Variants in GRID2 observed in about 807,000 individuals in gnomAD.
The protein encoded by GRID2 is glutamate receptor ionotropic, delta-2.
In GRID2, 33 loss-of-function variants were observed where a neutral mutation model predicts 114.8. The ratio of observed to expected loss-of-function variants is 0.29; its 90% CI spans 0.22 to 0.38. The LOEUF is 0.38. Among genes scored for constraint, GRID2 ranks in the 10% least tolerant of loss-of-function variants. The pLI is 1.00. For missense variants in GRID2, 1,184 were observed against 1,257.7 expected (o/e 0.94, Z 0.89); for synonymous variants, 505 against 449.9 (o/e 1.12, Z -1.55).
intron 2 of GRID2, among the ~76,000 whole-genome samples, chr4:92,683,886 G>A (rs1022650802): frequency 6.6e-6 from 1 of 151,670 alleles, no homozygotes; most frequent in African/African-American, 2.4e-5. Flanking sequence ...ATGTTGATAT[G>A]ATTATAAGGA....
chr4:92,827,548 G>A (rs1253808432), intron 2 of GRID2, among the ~76,000 whole-genome samples: 11 of 151,964 alleles, frequency 7.2e-5, no homozygotes, highest in Admixed American at 7.2e-4. Context: ...ACACTACTGG[G>A]TTTTGTTTAA....
At chr4:93,804,352 A>T (rs965847187) in intron 1 of GRID2, among the ~76,000 whole-genome samples, 4 of 152,134 alleles carry the variant, frequency 2.6e-5, no homozygotes, top group African/African-American at 9.7e-5. Flanking sequence ...CCTCACCTAA[A>T]CCTAGATGGT....
chr4:92,537,784 GGTGTGTGTGTGTGTGTGTGTGTGT>G (rs70942907), intron 1 of GRID2, among the ~76,000 whole-genome samples: 1 of 125,934 alleles, frequency 7.9e-6, no homozygotes, highest in African/African-American at 2.8e-5. Flanking sequence ...AAAAACTTGC[GGTGTGTGTGTGTGTGTGTGTGTGT>G]GTGTGTGTGT....
At chr4:93,465,051 T>A (rs912282329) in intron 11 of GRID2, among the ~76,000 whole-genome samples, 33 of 152,344 alleles carry the variant, frequency 2.2e-4, no homozygotes, top group African/African-American at 7.7e-4. Flanking sequence ...TAAGACAGCA[T>A]GATGGCTGTT....
intron 2 of GRID2, among the ~76,000 whole-genome samples, chr4:92,858,558 G>T (rs1043259930): frequency 2.0e-5 from 3 of 151,786 alleles, no homozygotes; most frequent in African/African-American, 7.3e-5. Flanking sequence ...GAGTTTGTTT[G>T]TTTTTTTTCT....
intron 1 of GRID2, among the ~76,000 whole-genome samples, chr4:93,806,492 C>G (rs1196616394): frequency 2.0e-5 from 3 of 152,162 alleles, no homozygotes; most frequent in South Asian, 2.1e-4. Flanking sequence ...TCTATTGAAC[C>G]AGCAGCCAAT....
chr4:93,319,902 A>C (rs1300016216), intron 8 of GRID2: 1 of 152,148 alleles, frequency 6.6e-6, no homozygotes, highest in Non-Finnish European at 1.5e-5. Flanking sequence ...CAATACCTTA[A>C]TTTCAGTTTT....
At chr4:93,633,217 A>G (rs1488716178) in intron 14 of GRID2, among the ~76,000 whole-genome samples, 3 of 151,848 alleles carry the variant, frequency 2.0e-5, no homozygotes, top group African/African-American at 4.8e-5. Flanking sequence ...CTTTTTTCCT[A>G]TAAACTATTA....
At chr4:92,773,567 A>G (rs938769826) in intron 2 of GRID2, among the ~76,000 whole-genome samples, 1 of 152,062 alleles carries the variant, frequency 6.6e-6, no homozygotes, top group Non-Finnish European at 1.5e-5. Flanking sequence ...AAAGTCCAAG[A>G]TTTATATCTA....
chr4:93,106,790 G>A (rs1418689682), intron 3 of GRID2, among the ~76,000 whole-genome samples: 1 of 152,122 alleles, frequency 6.6e-6, no homozygotes, highest in East Asian at 1.9e-4. Flanking sequence ...AGTCTGCCTT[G>A]TAATTTATGC....
chr4:93,069,606 C>T (rs1054896103), intron 2 of GRID2, among the ~76,000 whole-genome samples: 2 of 151,808 alleles, frequency 1.3e-5, no homozygotes, highest in Non-Finnish European at 2.9e-5. Context: ...CAAAAGGTAA[C>T]CAATTAAGTT....
chr4:92,446,056 A>G (rs1288419365), intron 1 of GRID2, among the ~76,000 whole-genome samples: 2 of 151,998 alleles, frequency 1.3e-5, no homozygotes, highest in African/African-American at 4.8e-5. Context: ...AGCGATTCTC[A>G]TGCCTCAAGC....
intron 8 of GRID2, among the ~76,000 whole-genome samples, chr4:93,285,847 T>C (rs1212954219): frequency 1.3e-5 from 2 of 152,036 alleles, no homozygotes; most frequent in Non-Finnish European, 2.9e-5. Context: ...TTTGTAATCA[T>C]ACAATTTATG....
intron 2 of GRID2, among the ~76,000 whole-genome samples, chr4:93,061,714 C>G (rs1181427075): frequency 6.6e-6 from 1 of 152,056 alleles, no homozygotes; most frequent in African/African-American, 2.4e-5. Flanking sequence ...AGAATATTCC[C>G]CATCCTGTCT....
chr4:93,143,689 A>C (rs1735956095), intron 4 of GRID2, among the ~76,000 whole-genome samples: 1 of 152,216 alleles, frequency 6.6e-6, no homozygotes, highest in African/African-American at 2.4e-5. Context: ...TTTAATGACT[A>C]AATTTTCATT....
At chr4:92,577,844 C>G (rs1006964542) in intron 1 of GRID2, among the ~76,000 whole-genome samples, 3 of 151,882 alleles carry the variant, frequency 2.0e-5, no homozygotes, top group Admixed American at 2.0e-4. Flanking sequence ...AAAGGAAAAA[C>G]AATATAAAGA....
intron 8 of GRID2, among the ~76,000 whole-genome samples, chr4:93,298,400 C>G (rs1754535805): frequency 6.6e-6 from 1 of 152,172 alleles, no homozygotes; most frequent in African/African-American, 2.4e-5. Flanking sequence ...GCTGTTCCCT[C>G]AAATGCCACA....
chr4:93,230,885 T>C (rs925518899), intron 7 of GRID2, among the ~76,000 whole-genome samples: 22 of 152,258 alleles, frequency 1.4e-4, no homozygotes, highest in African/African-American at 5.1e-4. Flanking sequence ...AGTTACATTG[T>C]TGTAGCTTCT....
intron 1 of GRID2, among the ~76,000 whole-genome samples, chr4:92,560,567 A>G (rs1232378811): frequency 6.6e-6 from 1 of 152,174 alleles, no homozygotes; most frequent in East Asian, 1.9e-4. Context: ...ATGTTTCACA[A>G]AGGTGCATTG....
Sources: gnomAD v4.1 joint callset for allele counts (sites outside exome capture counted in the v4.1 genomes callset) on GRCh38, gnomAD v4.1.1 for gene constraint, MANE v1.5 for transcripts, NCBI Gene and HGNC (gene_info 2026-07-23, HGNC 2026-07-21) for gene names.